Variants in ABCC4 observed in about 807,000 individuals in gnomAD.
ABCC4 encodes the protein ATP-binding cassette sub-family C member 4.
In ABCC4, 102 loss-of-function variants were observed where a neutral mutation model predicts 168.5. The observed-to-expected ratio is 0.61, with a 90% CI of 0.52 to 0.71. The LOEUF (loss-of-function observed/expected upper bound fraction) is 0.71, where lower values mean the gene tolerates loss of function less well. ABCC4 is among the 30% of genes least tolerant of loss of function. The probability of loss-of-function intolerance (pLI) is 0.00; values close to 1 mark genes in which losing one functional copy is unlikely to be tolerated. For synonymous variants in ABCC4, 617 were observed against 590.7 expected (o/e 1.04, Z -0.65); for missense variants, 1,402 against 1,605.8 (o/e 0.87, Z 2.17).
chr13:95,053,379 A>C (rs1459226556), intron 26 of ABCC4, among the ~76,000 whole-genome samples, 195 bp from the exon 27 acceptor site: 1 of 152,252 alleles, frequency 6.6e-6, no homozygotes, highest in African/African-American at 2.4e-5. Context: ...AATACCTTCC[A>C]GACCACTGAA....
intron 20 of ABCC4, among the ~76,000 whole-genome samples, chr13:95,087,034 T>C (rs2034279569): frequency 2.0e-5 from 3 of 152,070 alleles, no homozygotes; most frequent in Admixed American, 2.0e-4. Context: ...AAGACAAATC[T>C]TAGGTGTAAT....
rs1330802161 is a variant in ABCC4 at position 95,029,190 on chromosome 13, A to ATCTATC, written c.3870+5414_3870+5415insGATAGA. Among the ~76,000 whole-genome samples, 121 of 92,468 alleles carry ATCTATC rather than the reference A, an allele frequency of 1.3e-3. 2 individuals carry two copies. The highest frequency in any genetic ancestry group is 5.1e-3 in the African/African-American group (109 of 21,356). The allele number at this position is 92,468 out of a possible 152,430, so 60.7% of individuals were successfully genotyped here. A position where few individuals can be genotyped will look rare whatever the true frequency, so the allele number is the denominator to read the frequency against. Reference sequence around the variant, plus strand: ...TACATATATATATATATATATATATATATATATATATATATATATATATAG... The same window carrying ATCTATC: ...TACATATATATATATATATATATATATCTATCTATATATATATATATATATATATAG... On this transcript the variant is annotated intron_variant, in intron 30 of 30. Transcript: ENST00000645237.
intron 11 of ABCC4, among the ~76,000 whole-genome samples, chr13:95,185,155 A>G (rs1329910083): frequency 6.6e-6 from 1 of 152,212 alleles, no homozygotes; most frequent in Non-Finnish European, 1.5e-5. Context: ...AAAAATAAAC[A>G]AAATGAGGAT....
chr13:95,041,177 C>T (rs1283463299), intron 29 of ABCC4, among the ~76,000 whole-genome samples: 1 of 152,146 alleles, frequency 6.6e-6, no homozygotes, highest in Non-Finnish European at 1.5e-5. Flanking sequence ...GGCAACTGAG[C>T]AAATGAAGAT....
chr13:95,214,000 C>G (rs939215528), intron 4 of ABCC4, among the ~76,000 whole-genome samples: 13 of 151,926 alleles, frequency 8.6e-5, no homozygotes, highest in Non-Finnish European at 7.4e-5. Context: ...TAGTAAACAA[C>G]AACTATGAAG....
chr13:95,096,017 G>A (rs866904224), intron 20 of ABCC4: 3 of 406,746 alleles, frequency 7.4e-6, no homozygotes, highest in African/African-American at 4.1e-5. Flanking sequence ...CAAAACAAAT[G>A]AAAATTCTAT....
Position 95,034,830 on chromosome 13 carries a change from G to C in ABCC4, c.3736-91C>G, listed in dbSNP as rs560382500. On this transcript the variant is annotated intron_variant, in intron 29 of 30. Transcript: ENST00000645237. ...CAATATTTCGGAAAGGGGCAGGAGA[G>C]GGAGAGAATCTGTTTGGGTGGTAGG... 7 of 1,569,448 alleles carry C rather than the reference G, an allele frequency of 4.5e-6. No individual in the cohort carries two copies. The East Asian group carries it at 1.6e-4, about 35-fold the overall frequency.
At chr13:95,043,602 T>A in intron 29 of ABCC4, 80 bp downstream of exon 29, 1 of 1,256,138 alleles carries the variant, frequency 8.0e-7, no homozygotes, top group South Asian at 1.3e-5. Flanking sequence ...GGGGTTTCTA[T>A]CAAGTTTTAC....
chr13:95,120,293 G>A lies in ABCC4; in HGVS notation c.2456-4292C>T, dbSNP rs528236387. On this transcript the variant is annotated intron_variant, in intron 19 of 30. Coordinates refer to ENST00000645237, the MANE Select transcript of ABCC4 (RefSeq NM_005845.5). ...ATAAGAATTGGCCTTTGAGCCAGGC[G>A]CGGTGGCTCATGCCTATAATCCCAG... Among the ~76,000 whole-genome samples, 18 of 152,290 alleles carry A rather than the reference G, an allele frequency of 1.2e-4. No homozygotes were observed. The East Asian group carries it at 2.5e-3, about 21-fold the overall frequency.
At chr13:95,025,092 G>A (rs1433903995) in intron 30 of ABCC4, among the ~76,000 whole-genome samples, 2 of 151,688 alleles carry the variant, frequency 1.3e-5, no homozygotes, top group East Asian at 3.9e-4. Flanking sequence ...GGTCCTGACA[G>A]AAGACAGATT....
Position 95,021,273 on chromosome 13 carries a change from T to C in ABCC4, c.*302A>G. On this transcript the variant is annotated 3_prime_UTR_variant, in exon 31 of 31. Transcript: ENST00000645237. ...AAAACCTGTGACAACTTTGTCCTAC[T>C]CCTTTAAAAATGAGCTTTGACTCTG... 3.9e-6 allele frequency: 1 copy of C among 253,312 alleles called. No individual in the cohort carries two copies. Among genetic ancestry groups the C allele is most frequent in the South Asian group, 1.4e-4 (1 of 7,242 alleles). 15.7% of individuals were successfully genotyped at this position (253,312 alleles called of 1,614,324 possible). A position where few individuals can be genotyped will look rare whatever the true frequency, so the allele number is the denominator to read the frequency against.
chr13:95,123,445 C>T (rs1594134140), intron 19 of ABCC4, among the ~76,000 whole-genome samples: 1 of 152,300 alleles, frequency 6.6e-6, no homozygotes, highest in Non-Finnish European at 1.5e-5. Flanking sequence ...TCACCGCAAC[C>T]TCCACTTCCC....
intron 26 of ABCC4, among the ~76,000 whole-genome samples, chr13:95,054,745 C>T (rs2032991942): frequency 6.6e-6 from 1 of 152,108 alleles, no homozygotes; most frequent in South Asian, 2.1e-4. Flanking sequence ...AACCACTGGC[C>T]TCAAATCTCA....
At chr13:95,181,518 T>C (rs1186541167) in intron 11 of ABCC4, among the ~76,000 whole-genome samples, 1 of 152,274 alleles carries the variant, frequency 6.6e-6, no homozygotes, top group Non-Finnish European at 1.5e-5. Flanking sequence ...GCTTTGTTTA[T>C]ATTTCTTAGG....
At chr13:95,038,247 C>T (rs996195602) in intron 29 of ABCC4, among the ~76,000 whole-genome samples, 1 of 152,014 alleles carries the variant, frequency 6.6e-6, no homozygotes, top group African/African-American at 2.4e-5. Context: ...AGTGAACCTT[C>T]ATGAATTCCT....
At chr13:95,192,027 C>T (rs1678376) in intron 9 of ABCC4, among the ~76,000 whole-genome samples, 89,808 of 152,150 alleles carry the variant, frequency 0.59, 28,422 homozygotes, top group African/African-American at 0.82. Flanking sequence ...AGACTGAGCC[C>T]CCACTCTGTG....
At chr13:95,275,651 C>G (rs991023989) in intron 1 of ABCC4, among the ~76,000 whole-genome samples, 2 of 150,990 alleles carry the variant, frequency 1.3e-5, no homozygotes, top group Non-Finnish European at 2.9e-5. Flanking sequence ...CAGCAGCACT[C>G]TAATGAGCAA....
At chr13:95,267,753 G>A (rs2040723263) in intron 1 of ABCC4, among the ~76,000 whole-genome samples, 2 of 152,118 alleles carry the variant, frequency 1.3e-5, no homozygotes, top group African/African-American at 2.4e-5. Context: ...TAACATAGTG[G>A]GTCCCTAGCA....
At chr13:95,219,748 G>C (rs1594323647) in intron 4 of ABCC4, among the ~76,000 whole-genome samples, 1 of 152,130 alleles carries the variant, frequency 6.6e-6, no homozygotes, top group African/African-American at 2.4e-5. Flanking sequence ...TGAACTCCTA[G>C]GCTCAAGCAA....
Sources: gnomAD v4.1 joint callset for allele counts (sites outside exome capture counted in the v4.1 genomes callset) on GRCh38, gnomAD v4.1.1 for gene constraint, MANE v1.5 for transcripts, NCBI Gene and HGNC (gene_info 2026-07-23, HGNC 2026-07-21) for gene names.